The following CNTLN variants were observed in gnomAD, a reference collection of about 807,000 sequenced individuals.
The protein encoded by CNTLN is centlein, centrosomal protein.
In CNTLN, 212 loss-of-function variants were observed where a neutral mutation model predicts 180.0. That is an observed-to-expected ratio of 1.18 (90% CI 1.05 to 1.32). CNTLN has a LOEUF of 1.32. CNTLN is among the 40% of genes most tolerant of loss of function. The probability of loss-of-function intolerance (pLI) is 0.00; values close to 1 mark genes in which losing one functional copy is unlikely to be tolerated. For synonymous variants in CNTLN, 722 were observed against 563.1 expected, an observed-to-expected ratio of 1.28 and a Z score of -3.99; for missense variants, 2,095 against 1,610.9, an observed-to-expected ratio of 1.30 and a Z score of -5.14.
At chr9:17,140,723 C>G (rs1818031001) in intron 1 of CNTLN, among the ~76,000 whole-genome samples, 1 of 152,112 alleles carries the variant, frequency 6.6e-6, no homozygotes, top group Admixed American at 6.5e-5. Flanking sequence ...ACAGATGTGA[C>G]CCACTGTGCT....
chr9:17,352,152 TC>T (rs1822417608), intron 12 of CNTLN, among the ~76,000 whole-genome samples: 1 of 152,062 alleles, frequency 6.6e-6, no homozygotes, highest in Non-Finnish European at 1.5e-5. Context: ...ATTTCAATGA[TC>T]TTTTGGTCAT....
At chr9:17,148,104 A>G (rs1416794716) in intron 2 of CNTLN, among the ~76,000 whole-genome samples, 4 of 152,118 alleles carry the variant, frequency 2.6e-5, no homozygotes, top group Non-Finnish European at 5.9e-5. Context: ...ATTATTGAAC[A>G]CTCGTGTACC....
chr9:17,388,164 C>G lies in CNTLN; in HGVS notation c.1990C>G (p.Gln664Glu), dbSNP rs1280640015. The G allele has an allele frequency of 3.7e-6, 6 of 1,600,898 alleles. No homozygotes were observed. Among genetic ancestry groups the G allele is most frequent in the Non-Finnish European group, 5.1e-6 (6 of 1,169,266 alleles). Residue 664 changes from glutamine to glutamate, a missense_variant and splice_region_variant, in exon 14 of 26, where the codon CAG becomes GAG. Transcript: ENST00000380647. The stretch of plus-strand genomic sequence containing the variant: ...ATATATTATTTATTCTCTACCAGAA[C>G]AGCTCTTTAGATCTGGTGAAGATGA... ...NRCVAERREE[Q>E]LFRSGEDDEV...
At chr9:17,140,241 T>A (rs1256967489) in intron 1 of CNTLN, among the ~76,000 whole-genome samples, 1 of 152,188 alleles carries the variant, frequency 6.6e-6, no homozygotes, top group Non-Finnish European at 1.5e-5. Flanking sequence ...CTCACAAAAT[T>A]CATATATAAC....
chr9:17,462,535 C>G (rs778650208), intron 19 of CNTLN, among the ~76,000 whole-genome samples: 24 of 151,650 alleles, frequency 1.6e-4, no homozygotes, highest in African/African-American at 2.2e-4. Flanking sequence ...GCATTTGTGA[C>G]CATATTTCGT....
chr9:17,522,188 G>T, the CNTLN span, among the ~76,000 whole-genome samples: 1 of 152,150 alleles, frequency 6.6e-6, no homozygotes, highest in East Asian at 1.9e-4. Context: ...ATACATGGAC[G>T]TGGCTAGTAT....
intron 18 of CNTLN, among the ~76,000 whole-genome samples, chr9:17,427,142 C>G (rs1023280839): frequency 6.6e-6 from 1 of 152,124 alleles, no homozygotes; most frequent in Non-Finnish European, 1.5e-5. Flanking sequence ...GTTTCAGCTC[C>G]TGCTCCCACA....
At chr9:17,471,896 G>A (rs1212111711) in intron 23 of CNTLN, among the ~76,000 whole-genome samples, 1 of 152,002 alleles carries the variant, frequency 6.6e-6, no homozygotes, top group Non-Finnish European at 1.5e-5. Flanking sequence ...GTAATGCTGA[G>A]ACCCAACATG....
In CNTLN at chr9:17,355,947, C is replaced by T. The variant is rs1453678705; in HGVS notation, c.1887-10670C>T. Among the ~76,000 whole-genome samples, 6 of 151,624 alleles carry T rather than the reference C, an allele frequency of 4.0e-5. No individual in the cohort carries two copies. In the South Asian group the frequency reaches 1.0e-3, roughly 26 times the overall value. ...GGTGTGGTGGCGGGCGCCTGTAGTC[C>T]CAGCTACTCGGTAGGCTGAGACAGG... On this transcript the variant is annotated intron_variant, in intron 12 of 25. Coordinates refer to ENST00000380647, the MANE Select transcript of CNTLN (RefSeq NM_017738.4).
chr9:17,494,091 C>T (rs774205912), intron 25 of CNTLN, among the ~76,000 whole-genome samples: 9 of 152,178 alleles, frequency 5.9e-5, no homozygotes, highest in Non-Finnish European at 1.2e-4. Context: ...AGTGTTTTGT[C>T]ACCCTTAAAA....
At chr9:17,154,348 T>C (rs1819108533) in intron 2 of CNTLN, among the ~76,000 whole-genome samples, 1 of 152,112 alleles carries the variant, frequency 6.6e-6, no homozygotes, top group Non-Finnish European at 1.5e-5. Context: ...TTTGAGTGGA[T>C]GTGCTAATCC....
chr9:17,419,445 C>T (rs1828529305), intron 18 of CNTLN, among the ~76,000 whole-genome samples: 1 of 152,036 alleles, frequency 6.6e-6, no homozygotes, highest in Non-Finnish European at 1.5e-5. Flanking sequence ...AACATGCTAG[C>T]CCCATTCTTC....
At chr9:17,423,157 C>G (rs896395609) in intron 18 of CNTLN, among the ~76,000 whole-genome samples, 1 of 152,088 alleles carries the variant, frequency 6.6e-6, no homozygotes, top group African/African-American at 2.4e-5. Context: ...TGAGGCTGTG[C>G]TAGGTCACTC....
intron 5 of CNTLN, among the ~76,000 whole-genome samples, chr9:17,261,943 G>T (rs1476493617): frequency 6.6e-6 from 1 of 151,568 alleles, no homozygotes; most frequent in Non-Finnish European, 1.5e-5. Context: ...TCCTTCAAAA[G>T]TGGACATTTA....
chr9:17,178,230 T>C (rs902562348), intron 2 of CNTLN, among the ~76,000 whole-genome samples: 1 of 152,182 alleles, frequency 6.6e-6, no homozygotes. Context: ...AGGGTGCTGA[T>C]TGGTATGTTT....
At chr9:17,233,259 C>T (rs1435502156) in intron 3 of CNTLN, among the ~76,000 whole-genome samples, 1 of 151,778 alleles carries the variant, frequency 6.6e-6, no homozygotes, top group African/African-American at 2.4e-5. Context: ...GTTATTTTTA[C>T]TACATATAAT....
intron 13 of CNTLN, among the ~76,000 whole-genome samples, chr9:17,374,144 A>G (rs1229059049): frequency 6.6e-6 from 1 of 152,194 alleles, no homozygotes; most frequent in Non-Finnish European, 1.5e-5. Flanking sequence ...AAGCTTCTGG[A>G]CAGCAAGGGA....
chr9:17,211,041 C>A (rs990952395), intron 2 of CNTLN, among the ~76,000 whole-genome samples: 2 of 152,170 alleles, frequency 1.3e-5, no homozygotes, highest in African/African-American at 4.8e-5. Flanking sequence ...TTTTGCTGTG[C>A]AGAAGCTCTT....
chr9:17,175,552 T>TA (rs1820669371), intron 2 of CNTLN, among the ~76,000 whole-genome samples: 1 of 152,214 alleles, frequency 6.6e-6, no homozygotes, highest in Admixed American at 6.5e-5. Flanking sequence ...TATAGCTATA[T>TA]AATGCATCTT....
Sources: gnomAD v4.1 joint callset for allele counts (sites outside exome capture counted in the v4.1 genomes callset) on GRCh38, gnomAD v4.1.1 for gene constraint, MANE v1.5 for transcripts, NCBI Gene and HGNC (gene_info 2026-07-23, HGNC 2026-07-21) for gene names.